URGCP: variants seen among roughly 807,000 people sequenced by gnomAD.
URGCP encodes the protein upregulator of cell proliferation.
Under a neutral mutation model 24.6 loss-of-function variants are expected in URGCP, and 13 were observed. That is an observed-to-expected ratio of 0.53 (90% CI 0.34 to 0.84). The LOEUF (loss-of-function observed/expected upper bound fraction) is 0.84, where lower values mean the gene tolerates loss of function less well. Among genes scored for constraint, URGCP ranks in the 40% least tolerant of loss-of-function variants. The pLI is 0.01. For missense variants in URGCP, 899 were observed against 1,194.3 expected, an observed-to-expected ratio of 0.75 and a Z score of 3.64; for synonymous variants, 444 against 487.2, an observed-to-expected ratio of 0.91 and a Z score of 1.17.
chr7:43,911,608 A>T, upstream of URGCP, among the ~76,000 whole-genome samples: 1 of 151,976 alleles, frequency 6.6e-6, no homozygotes, highest in African/African-American at 2.4e-5. Flanking sequence ...GAGGCAGGAA[A>T]ATTGCTTGAA....
At chr7:43,923,110 A>G (rs1049514701) in intron 1 of URGCP, among the ~76,000 whole-genome samples, 1 of 151,262 alleles carries the variant, frequency 6.6e-6, no homozygotes, top group African/African-American at 2.4e-5. Flanking sequence ...CAGCCTCCCA[A>G]CTGGCTGAGA....
intron 5 of URGCP, 41 bp downstream of exon 5, chr7:43,881,618 C>T (rs975607251): frequency 1.9e-6 from 3 of 1,613,678 alleles, no homozygotes; most frequent in African/African-American, 1.3e-5. Flanking sequence ...ATGATAACCC[C>T]CTTTCATAGA....
chr7:43,903,957 G>C (rs921742818), intron 1 of URGCP, among the ~76,000 whole-genome samples: 2 of 152,210 alleles, frequency 1.3e-5, no homozygotes, highest in African/African-American at 4.8e-5. Context: ...GCAGTTGTGA[G>C]ACAGCCAAGC....
intron 5 of URGCP, chr7:43,881,097 T>C: frequency 1.5e-6 from 1 of 678,384 alleles, no homozygotes. Flanking sequence ...TACTCAGGTT[T>C]CCTAGCTTTG....
At chr7:43,917,156 TTTTTTTG>T (rs1471604431) in intron 1 of URGCP, among the ~76,000 whole-genome samples, 1 of 151,922 alleles carries the variant, frequency 6.6e-6, no homozygotes. Flanking sequence ...AGGGTAGGAG[TTTTTTTG>T]TTTTTTGTTT....
intron 5 of URGCP, chr7:43,879,645 T>C (rs565672889): frequency 3.4e-5 from 6 of 176,824 alleles, no homozygotes; most frequent in Admixed American, 5.5e-5. Context: ...ACATGACTCC[T>C]ACAAGCTGAA....
chr7:43,915,803 G>GT (rs2095914812), intron 1 of URGCP, among the ~76,000 whole-genome samples: 1 of 152,240 alleles, frequency 6.6e-6, no homozygotes, highest in Non-Finnish European at 1.5e-5. Context: ...GAGGTCAGGA[G>GT]TTTGAGACTA....
At chr7:43,926,476 GCGGGCCGCCTCAGGCAGCCCCGGC>G (rs550765813), upstream of URGCP, 192 of 1,419,042 alleles carry the variant, frequency 1.4e-4, no homozygotes, top group Admixed American at 3.0e-4. Flanking sequence ...TGAGCCGGCA[GCGGGCCGCCTCAGGCAGCCCCGGC>G]CGGGCCGCCC....
upstream of URGCP, among the ~76,000 whole-genome samples, chr7:43,908,997 C>T (rs1422619974): frequency 3.3e-5 from 5 of 152,294 alleles, no homozygotes; most frequent in East Asian, 9.6e-4. Context: ...TACTGTTGGA[C>T]ATAAATATTG....
chr7:43,880,218 T>G (rs1012455971), intron 5 of URGCP, among the ~76,000 whole-genome samples: 2 of 152,232 alleles, frequency 1.3e-5, no homozygotes, highest in Admixed American at 6.5e-5. Flanking sequence ...CCATGGTGCC[T>G]GGCTTTAATG....
In URGCP at chr7:43,877,449, C is replaced by T. The variant is rs201208471; in HGVS notation, c.2014G>A (p.Val672Ile). 136 of 1,613,584 alleles carry T rather than the reference C, an allele frequency of 8.4e-5. 1 individual carries two copies. The African/African-American group carries it at 9.5e-4, about 11-fold the overall frequency. The change falls in exon 6 of 6, where the codon GTC (valine) becomes ATC (isoleucine). Residue 672 changes from valine (V) to isoleucine (I), a missense_variant. Val to Ile is a conservative substitution (Grantham distance 29). Coordinates refer to ENST00000453200, the MANE Select transcript of URGCP (RefSeq NM_001077663.3). Reference protein sequence around the residue: ...LIDGSTLSMPVRWVTGLLKEL... With the variant: ...LIDGSTLSMPIRWVTGLLKEL... ...TTCAGGAGCCCTGTGACCCAGCGGA[C>T]GGGCATGCTCAGCGTGCTCCCATCG... is the stretch of plus-strand genomic sequence containing the variant.
intron 1 of URGCP, among the ~76,000 whole-genome samples, chr7:43,901,348 C>A (rs2095890291): frequency 6.6e-6 from 1 of 152,162 alleles, no homozygotes; most frequent in African/African-American, 2.4e-5. Flanking sequence ...ACTCTGCCAC[C>A]CATGGGCAGG....
chr7:43,926,042 A>G (rs2095929680), intron 1 of URGCP: 1 of 152,084 alleles, frequency 6.6e-6, no homozygotes, highest in Non-Finnish European at 1.5e-5. Context: ...AACTGCGGAG[A>G]GTTTTGCGTG....
chr7:43,889,742 T>A (rs2095867514), intron 1 of URGCP: 1 of 152,262 alleles, frequency 6.6e-6, no homozygotes, highest in South Asian at 2.1e-4. Context: ...ATTTGCTCCC[T>A]GATGACTAAT....
Position 43,919,127 on chromosome 7 carries a change from G to A in URGCP, c.-116+7005C>T, listed in dbSNP as rs951885397. The A allele has an allele frequency of 5.8e-6, 5 of 867,736 alleles. No homozygotes were observed. The East Asian group carries it at 7.2e-5, about 13-fold the overall frequency. 53.8% of individuals were successfully genotyped at this position (867,736 alleles called of 1,614,324 possible). ...TGCTGTGTCAGTTCATTGCTGGGGG[G>A]ACAGGCTCTGGCCTGGGCTCCTACC... On this transcript the variant is annotated intron_variant, in intron 1 of 5. Coordinates refer to the URGCP transcript ENST00000426198.
intron 3 of URGCP, 96 bp from the exon 4 acceptor site, chr7:43,882,053 C>T: frequency 1.3e-6 from 2 of 1,575,362 alleles, no homozygotes; most frequent in Non-Finnish European, 1.7e-6. Flanking sequence ...AACCCCAGCA[C>T]TTTAGGAGGC....
intron 1 of URGCP, among the ~76,000 whole-genome samples, chr7:43,920,976 TG>T (rs1400938842): frequency 6.6e-6 from 1 of 152,194 alleles, no homozygotes; most frequent in Admixed American, 6.5e-5. Context: ...TTGTAACTAC[TG>T]GATCTGCTGC....
intron 1 of URGCP, among the ~76,000 whole-genome samples, chr7:43,901,150 G>A (rs577478007): frequency 6.6e-6 from 1 of 152,186 alleles, no homozygotes; most frequent in Non-Finnish European, 1.5e-5. Flanking sequence ...ATTTAGAATA[G>A]GGCCTGACAG....
At chr7:43,922,631 C>T (rs1585843297) in intron 1 of URGCP, among the ~76,000 whole-genome samples, 1 of 152,180 alleles carries the variant, frequency 6.6e-6, no homozygotes, top group African/African-American at 2.4e-5. Flanking sequence ...GTGAATGGGG[C>T]TCACAGCAAC....
Sources: gnomAD v4.1 joint callset for allele counts (sites outside exome capture counted in the v4.1 genomes callset) on GRCh38, gnomAD v4.1.1 for gene constraint, MANE v1.5 for transcripts, NCBI Gene and HGNC (gene_info 2026-07-23, HGNC 2026-07-21) for gene names.